ANKUB1: variants seen among roughly 807,000 people sequenced by gnomAD.
ANKUB1 encodes protein ANKUB1.
Under a neutral mutation model 49.3 loss-of-function variants are expected in ANKUB1, and 42 were observed. The observed-to-expected ratio is 0.85, with a 90% CI of 0.67 to 1.10. ANKUB1 has a LOEUF of 1.10. ANKUB1 is among the 50% of genes least tolerant of loss of function. The pLI, the probability that ANKUB1 is intolerant of heterozygous loss-of-function variation, is 0.00. For synonymous variants in ANKUB1, 222 were observed against 231.0 expected (o/e 0.96, Z 0.35); for missense variants, 613 against 642.0 (o/e 0.95, Z 0.49).
At chr3:149,775,217 C>T (rs79919509) in intron 3 of ANKUB1, among the ~76,000 whole-genome samples, 28 of 152,260 alleles carry the variant, frequency 1.8e-4, no homozygotes, top group Non-Finnish European at 2.2e-4. Context: ...CTCGTTCATA[C>T]CCCGGGAGTC....
intron 2 of ANKUB1, among the ~76,000 whole-genome samples, chr3:149,781,782 C>T (rs1717882845): frequency 6.6e-6 from 1 of 152,204 alleles, no homozygotes. Flanking sequence ...GGCTGCAGTA[C>T]TTTGATCTAG....
chr3:149,780,218 A>G (rs1231262542), intron 3 of ANKUB1, 21 bp downstream of exon 3: 3 of 1,544,292 alleles, frequency 1.9e-6, no homozygotes, highest in Non-Finnish European at 2.6e-6. Context: ...GGTAGCTGAT[A>G]TCAAATATAC....
intron 5 of ANKUB1, among the ~76,000 whole-genome samples, chr3:149,765,235 G>T (rs1412667706): frequency 6.6e-6 from 1 of 152,120 alleles, no homozygotes; most frequent in Non-Finnish European, 1.5e-5. Flanking sequence ...TGCCATATGT[G>T]CCCTTTATAT....
chr3:149,775,076 C>T (rs1717533368), intron 3 of ANKUB1, among the ~76,000 whole-genome samples: 1 of 152,164 alleles, frequency 6.6e-6, no homozygotes, highest in African/African-American at 2.4e-5. Flanking sequence ...TGGATCTGTC[C>T]ATTCTGTGCT....
At chr3:149,766,914 C>T (rs1717051423) in intron 5 of ANKUB1, 2 of 1,148,730 alleles carry the variant, frequency 1.7e-6, no homozygotes, top group Non-Finnish European at 2.5e-6. Flanking sequence ...ATTCTTTCTA[C>T]TGTGTTTCTT....
chr3:149,785,013 C>T (rs1718030665), intron 2 of ANKUB1, among the ~76,000 whole-genome samples: 1 of 152,052 alleles, frequency 6.6e-6, no homozygotes, highest in Non-Finnish European at 1.5e-5. Context: ...CATGATAACA[C>T]AGGTTAAAAT....
At chr3:149,764,483 G>C (rs1576665865) in intron 5 of ANKUB1, among the ~76,000 whole-genome samples, 1 of 147,756 alleles carries the variant, frequency 6.8e-6, no homozygotes, top group East Asian at 2.0e-4. Flanking sequence ...AACACTGCCA[G>C]AGTAAATGTG....
At chr3:149,783,370 T>C (rs1197552702) in intron 2 of ANKUB1, 1 of 152,206 alleles carries the variant, frequency 6.6e-6, no homozygotes, top group Non-Finnish European at 1.5e-5. Context: ...TTGTTGGACA[T>C]GTACAAAATT....
chr3:149,761,691 C>T, intron 5 of ANKUB1, 78 bp from the exon 6 acceptor site: 10 of 1,460,490 alleles, frequency 6.8e-6, no homozygotes, highest in Non-Finnish European at 9.1e-6. Context: ...TGGAAATCTT[C>T]AGGTTGATTT....
chr3:149,792,069 G>A (rs887609825), intron 1 of ANKUB1, among the ~76,000 whole-genome samples: 3 of 151,742 alleles, frequency 2.0e-5, no homozygotes, highest in African/African-American at 2.4e-5. Flanking sequence ...TAATTGACTG[G>A]CTCTTTTTGC....
intron 3 of ANKUB1, among the ~76,000 whole-genome samples, chr3:149,772,317 G>A (rs897603783): frequency 3.3e-5 from 5 of 152,068 alleles, no homozygotes; most frequent in Admixed American, 2.0e-4. Context: ...CATTGCGCCC[G>A]GCATCCTTCT....
Position 149,790,855 on chromosome 3 carries a change from C to T in ANKUB1, c.160G>A (p.Ala54Thr). Residue 54 changes from alanine (A) to threonine (T), a missense_variant, in exon 2 of 6, where the codon GCT (alanine) becomes ACT (threonine). Physicochemically the swap from Ala to Thr is moderately conservative, Grantham distance 58 (BLOSUM62 0). Transcript: ENST00000446160. ...AGACTCCAACTGTCCTTTAGAGCAG[C>T]TCCAGCATACATTAACTCCAGATAC... ...RRYLELMYAG[A>T]ALKDSWSLAD... 6.4e-7 allele frequency: 1 copy of T among 1,552,194 alleles called. No homozygotes were observed. The highest frequency in any genetic ancestry group is 8.7e-7 in the Non-Finnish European group (1 of 1,147,048).
At chr3:149,788,776 C>A (rs560333127) in intron 2 of ANKUB1, among the ~76,000 whole-genome samples, 4 of 151,754 alleles carry the variant, frequency 2.6e-5, no homozygotes, top group South Asian at 2.1e-4. Context: ...TTTTTCTTTT[C>A]TTTTCTTTTT....
chr3:149,790,746 G>A (rs1176732101), intron 2 of ANKUB1, 35 bp downstream of exon 2: 1 of 1,515,280 alleles, frequency 6.6e-7, no homozygotes, highest in East Asian at 2.5e-5. Flanking sequence ...AAATGAGATA[G>A]ATATCTTAGA....
chr3:149,777,499 AC>A (rs1046055731), intron 3 of ANKUB1, among the ~76,000 whole-genome samples: 6 of 150,718 alleles, frequency 4.0e-5, no homozygotes, highest in African/African-American at 1.5e-4. Context: ...AACAACAACA[AC>A]AAAAAAACAC....
At chr3:149,789,746 C>T (rs1439903490) in intron 2 of ANKUB1, among the ~76,000 whole-genome samples, 1 of 151,656 alleles carries the variant, frequency 6.6e-6, no homozygotes, top group African/African-American at 2.4e-5. Context: ...TCTCCTGCCT[C>T]AGCCTAATGA....
At chr3:149,780,538 T>A in intron 2 of ANKUB1, 83 bp from the exon 3 acceptor site, 1 of 1,008,672 alleles carries the variant, frequency 9.9e-7, no homozygotes, top group Non-Finnish European at 1.5e-6. Context: ...TTTGAGCACC[T>A]CTAGCTCCAC....
intron 5 of ANKUB1, among the ~76,000 whole-genome samples, chr3:149,764,644 T>TTCTTTCTTTCTC (rs1716931432): frequency 1.4e-5 from 1 of 71,812 alleles, no homozygotes; most frequent in Non-Finnish European, 2.9e-5. Context: ...TCCTCTCTCT[T>TTCTTTCTTTCTC]TCTTTCTTTC....
intron 1 of ANKUB1, 86 bp from the exon 2 acceptor site, chr3:149,791,010 TC>T (rs1176184970): frequency 3.8e-6 from 5 of 1,329,876 alleles, no homozygotes; most frequent in East Asian, 2.6e-5. Context: ...TACATTTTTT[TC>T]CTCTGGGCAT....
Sources: allele counts gnomAD v4.1 joint callset (sites outside exome capture counted in the v4.1 genomes callset), GRCh38; gene constraint gnomAD v4.1.1; transcripts MANE v1.5; gene names NCBI Gene and HGNC (gene_info 2026-07-23, HGNC 2026-07-21).